Variants in FAM117A observed in about 807,000 individuals in gnomAD.
FAM117A encodes the protein family with sequence similarity 117 member A.
FAM117A carries 21 observed loss-of-function variants against 44.1 expected under a neutral mutation model. The ratio of observed to expected loss-of-function variants is 0.48; its 90% confidence interval spans 0.34 to 0.69. FAM117A has a LOEUF of 0.69. Among genes scored for constraint, FAM117A ranks in the 30% least tolerant of loss-of-function variants. The pLI, the probability that FAM117A is intolerant of heterozygous loss-of-function variation, is 0.01. For synonymous variants in FAM117A, 220 were observed against 238.3 expected (o/e 0.92, Z 0.71); for missense variants, 498 against 589.9 (o/e 0.84, Z 1.61).
At chr17:49,789,061 G>T (rs532297533), upstream of FAM117A, 35 of 421,736 alleles carry the variant, frequency 8.3e-5, no homozygotes, top group East Asian at 1.1e-3. Context: ...CCCTCTGCTT[G>T]CCTGGATCGG....
intron 1 of FAM117A, among the ~76,000 whole-genome samples, chr17:49,742,567 T>G (rs2073638990): frequency 6.6e-6 from 1 of 152,184 alleles, no homozygotes. Context: ...AACAAAACAC[T>G]AGCAGTTACT....
At chr17:49,758,637 T>TAAAATAAA (rs2073709198) in intron 1 of FAM117A, among the ~76,000 whole-genome samples, 1 of 96,836 alleles carries the variant, frequency 1.0e-5, no homozygotes, top group South Asian at 3.4e-4. Flanking sequence ...AAAAAAAAAA[T>TAAAATAAA]AAAATAAATA....
intron 1 of FAM117A, among the ~76,000 whole-genome samples, chr17:49,785,840 T>A (rs2073804046): frequency 6.6e-6 from 1 of 152,160 alleles, no homozygotes; most frequent in African/African-American, 2.4e-5. Context: ...AGGAGATGCA[T>A]CCAGGCAGGA....
rs542118774 is a variant in FAM117A, at chr17:49,759,266, T to C, written c.196+4626A>G. ...CGAAGAACACATGGACTCACACTCC[T>C]TTGGGTACCAAAGAGATAAAGCAGT... On this transcript the variant is annotated intron_variant, in intron 1 of 7. Coordinates refer to ENST00000240364, the MANE Select transcript of FAM117A (RefSeq NM_030802.4). Among the ~76,000 whole-genome samples the C allele has an allele frequency of 5.6e-4, 85 of 152,348 alleles. No homozygotes were observed. The South Asian group carries it at 0.018, about 32-fold the overall frequency.
chr17:49,713,516 C>CT (rs997919266), intron 7 of FAM117A, among the ~76,000 whole-genome samples: 11 of 150,950 alleles, frequency 7.3e-5, no homozygotes, highest in South Asian at 2.1e-4. Flanking sequence ...TGGTTACCAT[C>CT]TTTTTTTTTG....
Position 49,717,559 on chromosome 17 carries a change from T to C in FAM117A, c.864A>G (p.Glu288=). Residue 288 remains glutamate, a synonymous_variant, in exon 6 of 8, where the codon GAA becomes GAG. Transcript: ENST00000240364. ...CCAGCTCCTCGGCGGCACCCCGATGTTCCTCATGACTGGCCAGGCCACAAG... is the reference window on the plus strand; with the variant it reads ...CCAGCTCCTCGGCGGCACCCCGATGCTCCTCATGACTGGCCAGGCCACAAG... ...PQPCGLASHE[E]HRGAAEELAS... is the part of the protein sequence containing the mutation. The C allele has an allele frequency of 1.2e-6, 2 of 1,614,112 alleles. No individual in the cohort carries two copies. Among genetic ancestry groups the C allele is most frequent in the Non-Finnish European group, 1.7e-6 (2 of 1,179,982 alleles).
intron 1 of FAM117A, among the ~76,000 whole-genome samples, chr17:49,786,321 A>G (rs1022060905): frequency 6.6e-6 from 1 of 152,230 alleles, no homozygotes; most frequent in Non-Finnish European, 1.5e-5. Context: ...TGTGTGACGG[A>G]TGCAAGTCAG....
At chr17:49,755,114 C>A (rs2073693674) in intron 1 of FAM117A, among the ~76,000 whole-genome samples, 2 of 150,494 alleles carry the variant, frequency 1.3e-5, no homozygotes, top group East Asian at 3.9e-4. Flanking sequence ...AGGCAAGGAA[C>A]ACAGACTCTG....
intron 2 of FAM117A, among the ~76,000 whole-genome samples, chr17:49,729,441 G>A (rs1481681730): frequency 6.6e-6 from 1 of 151,998 alleles, no homozygotes; most frequent in East Asian, 1.9e-4. Context: ...AAAGGTAAGG[G>A]CAGCGGTAGG....
chr17:49,714,877 C>A (rs563986492), intron 7 of FAM117A, among the ~76,000 whole-genome samples: 1 of 151,762 alleles, frequency 6.6e-6, no homozygotes, highest in African/African-American at 2.4e-5. Flanking sequence ...AAACTCCTGA[C>A]CTCAGGTGAT....
intron 1 of FAM117A, among the ~76,000 whole-genome samples, chr17:49,752,565 G>A (rs1405884172): frequency 6.6e-6 from 1 of 152,084 alleles, no homozygotes; most frequent in Admixed American, 6.5e-5. Context: ...ATCTTCGCAT[G>A]TCTCCCTAAC....
At chr17:49,736,086 A>G (rs776696060) in intron 1 of FAM117A, among the ~76,000 whole-genome samples, 14 of 148,630 alleles carry the variant, frequency 9.4e-5, no homozygotes, top group Non-Finnish European at 2.1e-4. Flanking sequence ...GTGTGTGTGT[A>G]TGTGTGTGTG....
chr17:49,778,476 T>C (rs1048343706), intron 1 of FAM117A, among the ~76,000 whole-genome samples: 1 of 152,250 alleles, frequency 6.6e-6, no homozygotes, highest in Non-Finnish European at 1.5e-5. Flanking sequence ...TCAGCCTCTA[T>C]CTTTTCACAA....
At chr17:49,772,247 G>C (rs1178736083) in intron 1 of FAM117A, among the ~76,000 whole-genome samples, 1 of 151,450 alleles carries the variant, frequency 6.6e-6, no homozygotes, top group African/African-American at 2.4e-5. Flanking sequence ...AGCTAATTTT[G>C]TGTCACTACA....
intron 2 of FAM117A, 40 bp from the exon 3 acceptor site, chr17:49,722,634 T>C: frequency 6.5e-7 from 1 of 1,540,992 alleles, no homozygotes; most frequent in Non-Finnish European, 8.9e-7. Context: ...GCAGCTTCTT[T>C]GGCAGGCACT....
At chr17:49,756,916 CAAAAA>C (rs59004870) in intron 1 of FAM117A, among the ~76,000 whole-genome samples, 5 of 109,936 alleles carry the variant, frequency 4.5e-5, no homozygotes, top group East Asian at 2.4e-4. Context: ...GACTCTGCCT[CAAAAA>C]AAAAAAAAAA....
intron 6 of FAM117A, among the ~76,000 whole-genome samples, chr17:49,716,793 C>G (rs1381729413): frequency 6.6e-6 from 1 of 152,214 alleles, no homozygotes; most frequent in Non-Finnish European, 1.5e-5. Flanking sequence ...ATTCCTCTCC[C>G]TTTCCACACA....
At chr17:49,731,831 G>C (rs536251443) in intron 2 of FAM117A, among the ~76,000 whole-genome samples, 1 of 152,202 alleles carries the variant, frequency 6.6e-6, no homozygotes, top group African/African-American at 2.4e-5. Flanking sequence ...TGTCACCCAG[G>C]ATGGAATGCA....
Position 49,764,103 on chromosome 17 carries a change from C to T in FAM117A, c.-16G>A. 8.0e-7 allele frequency: 1 copy of T among 1,253,444 alleles called. No homozygotes were observed. Among genetic ancestry groups the T allele is most frequent in the Non-Finnish European group, 1.0e-6 (1 of 989,278 alleles). The allele number at this position is 1,253,444 out of a possible 1,614,324, so 77.6% of individuals were successfully genotyped here. A position where few individuals can be genotyped will look rare whatever the true frequency, so the allele number is the denominator to read the frequency against. ...CCCCCGCCATGGCTCTCCCGGCTGCCTGCCTCAGCCCCACTGCGAGACTCA... is the reference window on the plus strand; with the variant it reads ...CCCCCGCCATGGCTCTCCCGGCTGCTTGCCTCAGCCCCACTGCGAGACTCA... On this transcript the variant is annotated 5_prime_UTR_variant, in exon 1 of 8. Coordinates refer to ENST00000240364, the MANE Select transcript of FAM117A (RefSeq NM_030802.4).
Sources: allele counts gnomAD v4.1 joint callset (sites outside exome capture counted in the v4.1 genomes callset), GRCh38; gene constraint gnomAD v4.1.1; transcripts MANE v1.5; gene names NCBI Gene and HGNC (gene_info 2026-07-23, HGNC 2026-07-21).